Variants in GABRB1 observed in about 807,000 individuals in gnomAD.
GABRB1 encodes the protein gamma-aminobutyric acid type A receptor subunit beta1, also known as gamma-aminobutyric acid receptor subunit beta-1.
In GABRB1, 17 loss-of-function variants were observed where a neutral mutation model predicts 51.6. The observed-to-expected ratio is 0.33, with a 90% CI of 0.23 to 0.49. The LOEUF is 0.49. Among genes scored for constraint, GABRB1 ranks in the 20% least tolerant of loss-of-function variants. The pLI is 0.99. For missense variants in GABRB1, 410 were observed against 600.6 expected (o/e 0.68, Z 3.32); for synonymous variants, 247 against 218.9 (o/e 1.13, Z -1.14).
At chr4:47,158,919 C>A (rs1031608425) in intron 3 of GABRB1, among the ~76,000 whole-genome samples, 1 of 151,896 alleles carries the variant, frequency 6.6e-6, no homozygotes, top group African/African-American at 2.4e-5. Context: ...TTCTAAAGTA[C>A]CTTAACCTTA....
chr4:47,335,391 TG>T (rs1725661163), intron 5 of GABRB1, among the ~76,000 whole-genome samples: 1 of 152,170 alleles, frequency 6.6e-6, no homozygotes, highest in Non-Finnish European at 1.5e-5. Flanking sequence ...AATTGTCATC[TG>T]ATTTTAGATT....
At chr4:47,020,578 A>G (rs935095778) in intron 1 of GABRB1, among the ~76,000 whole-genome samples, 2 of 152,162 alleles carry the variant, frequency 1.3e-5, no homozygotes, top group African/African-American at 4.8e-5. Flanking sequence ...CAGCTCGAAG[A>G]TATCGGAGTC....
At chr4:47,250,008 G>A (rs529065015) in intron 4 of GABRB1, among the ~76,000 whole-genome samples, 2 of 152,038 alleles carry the variant, frequency 1.3e-5, no homozygotes, top group South Asian at 2.1e-4. Context: ...TTTGTTTTTT[G>A]TTTTTGATTT....
chr4:47,125,259 C>T (rs1356541056), intron 3 of GABRB1, among the ~76,000 whole-genome samples: 1 of 151,960 alleles, frequency 6.6e-6, no homozygotes, highest in Non-Finnish European at 1.5e-5. Context: ...TCTTCTCAGA[C>T]AAATAAAAGC....
chr4:47,099,220 C>T (rs1297457135), intron 3 of GABRB1, among the ~76,000 whole-genome samples: 1 of 152,114 alleles, frequency 6.6e-6, no homozygotes, highest in African/African-American at 2.4e-5. Context: ...TACATACCCA[C>T]ATCAAGACGG....
At chr4:47,238,833 A>G (rs1578024344) in intron 4 of GABRB1, among the ~76,000 whole-genome samples, 1 of 152,230 alleles carries the variant, frequency 6.6e-6, no homozygotes, top group East Asian at 1.9e-4. Context: ...CTGAATATAC[A>G]TATTAAATAA....
intron 1 of GABRB1, among the ~76,000 whole-genome samples, chr4:46,998,773 T>G (rs1724086813): frequency 6.7e-6 from 1 of 148,878 alleles, no homozygotes; most frequent in African/African-American, 2.5e-5. Context: ...GAATACAATT[T>G]AAGGGGATAC....
intron 4 of GABRB1, among the ~76,000 whole-genome samples, chr4:47,201,694 T>C (rs573761678): frequency 6.6e-6 from 1 of 152,256 alleles, no homozygotes; most frequent in East Asian, 1.9e-4. Flanking sequence ...ATTACCAATA[T>C]TTTTAAATAT....
At chr4:47,317,111 T>C in intron 4 of GABRB1, among the ~76,000 whole-genome samples, 1 of 151,976 alleles carries the variant, frequency 6.6e-6, no homozygotes, top group Non-Finnish European at 1.5e-5. Flanking sequence ...TTGGAAAAGC[T>C]AAGTCTTTGT....
At chr4:47,126,089 C>T (rs1247409400) in intron 3 of GABRB1, among the ~76,000 whole-genome samples, 1 of 151,798 alleles carries the variant, frequency 6.6e-6, no homozygotes. Context: ...CATACACACA[C>T]AATGCAATAT....
chr4:47,070,554 A>C (rs1459216396), intron 3 of GABRB1, among the ~76,000 whole-genome samples: 1 of 150,522 alleles, frequency 6.6e-6, no homozygotes, highest in African/African-American at 2.5e-5. Flanking sequence ...CTGTTCTCGA[A>C]CTCCTGACCT....
intron 3 of GABRB1, among the ~76,000 whole-genome samples, chr4:47,113,224 A>G (rs574425367): frequency 3.3e-5 from 5 of 152,218 alleles, no homozygotes; most frequent in Admixed American, 2.6e-4. Context: ...CGTCTCTACT[A>G]AAATATACAA....
chr4:47,011,795 A>C (rs1210517056), intron 1 of GABRB1, among the ~76,000 whole-genome samples: 1 of 152,172 alleles, frequency 6.6e-6, no homozygotes, highest in African/African-American at 2.4e-5. Context: ...TGTTTGATGA[A>C]TGAGTATAAA....
intron 1 of GABRB1, among the ~76,000 whole-genome samples, chr4:47,023,797 T>C (rs1725004621): frequency 6.6e-6 from 1 of 151,998 alleles, no homozygotes; most frequent in Middle Eastern, 3.2e-3. Flanking sequence ...ACACTTGCTG[T>C]GTACCAACAC....
At chr4:47,018,404 G>A (rs1188692990) in intron 1 of GABRB1, among the ~76,000 whole-genome samples, 1 of 152,028 alleles carries the variant, frequency 6.6e-6, no homozygotes, top group Non-Finnish European at 1.5e-5. Context: ...TTGTTAAATT[G>A]CTAATGTCTC....
intron 4 of GABRB1, among the ~76,000 whole-genome samples, chr4:47,296,104 G>A (rs901067442): frequency 2.6e-5 from 4 of 152,086 alleles, no homozygotes; most frequent in African/African-American, 9.7e-5. Context: ...AGCTCCTGAA[G>A]GAAGCACTAA....
At chr4:47,277,256 G>A (rs1723117962) in intron 4 of GABRB1, among the ~76,000 whole-genome samples, 1 of 152,002 alleles carries the variant, frequency 6.6e-6, no homozygotes, top group Admixed American at 6.6e-5. Context: ...AAATAAGCCA[G>A]GCATAAGGAA....
At chr4:47,225,607 C>G (rs760242864) in intron 4 of GABRB1, among the ~76,000 whole-genome samples, 2 of 152,098 alleles carry the variant, frequency 1.3e-5, no homozygotes, top group African/African-American at 4.8e-5. Flanking sequence ...AATCACAGAA[C>G]TGATCATTCT....
chr4:47,342,357 A>T (rs2109988471), intron 5 of GABRB1, among the ~76,000 whole-genome samples: 1 of 152,144 alleles, frequency 6.6e-6, no homozygotes, highest in South Asian at 2.1e-4. Context: ...TTTATTTTTA[A>T]TACTTGTCTT....
Sources: allele counts gnomAD v4.1 joint callset (sites outside exome capture counted in the v4.1 genomes callset), GRCh38; gene constraint gnomAD v4.1.1; transcripts MANE v1.5; gene names NCBI Gene and HGNC (gene_info 2026-07-23, HGNC 2026-07-21).